GRB2: variants seen among roughly 807,000 people sequenced by gnomAD.
GRB2 encodes growth factor receptor-bound protein 2.
Under a neutral mutation model 27.4 loss-of-function variants are expected in GRB2, and 2 were observed. That is an observed-to-expected ratio of 0.07 (90% confidence interval 0.03 to 0.23). The LOEUF is 0.23. Ranked by LOEUF, GRB2 falls within the 10% of genes least tolerant of loss-of-function variation. The pLI is 1.00. For missense variants in GRB2, 102 were observed against 282.4 expected, an observed-to-expected ratio of 0.36 and a Z score of 4.58; for synonymous variants, 94 against 99.6, an observed-to-expected ratio of 0.94 and a Z score of 0.33.
At chr17:75,354,684 G>T (rs1012904331) in intron 2 of GRB2, among the ~76,000 whole-genome samples, 5 of 152,122 alleles carry the variant, frequency 3.3e-5, no homozygotes, top group South Asian at 2.1e-4. Flanking sequence ...AGAATTGCTG[G>T]AAGAGCCCAC....
chr17:75,333,968 T>C (rs765242699), intron 2 of GRB2, among the ~76,000 whole-genome samples: 4 of 152,138 alleles, frequency 2.6e-5, no homozygotes, highest in Non-Finnish European at 4.4e-5. Flanking sequence ...TGCTGCCTCT[T>C]GAATTGCATG....
At chr17:75,394,282 A>G (rs1046685596) in intron 1 of GRB2, 10 of 152,458 alleles carry the variant, frequency 6.6e-5, no homozygotes, top group African/African-American at 2.2e-4. Context: ...TTTGGTCTCG[A>G]GCTGCTGCAC....
At chr17:75,404,252 C>T (rs1473491011) in intron 1 of GRB2, among the ~76,000 whole-genome samples, 1 of 152,084 alleles carries the variant, frequency 6.6e-6, no homozygotes, top group African/African-American at 2.4e-5. Flanking sequence ...CACTTGCGAC[C>T]TAGTGGCAGG....
intron 2 of GRB2, among the ~76,000 whole-genome samples, chr17:75,355,816 C>CTTTTTT: frequency 8.6e-6 from 1 of 115,730 alleles, no homozygotes. Flanking sequence ...TTCCTTTCTT[C>CTTTTTT]TTTTTTTTTT....
chr17:75,367,952 G>A (rs527623209), intron 2 of GRB2, among the ~76,000 whole-genome samples: 4 of 151,352 alleles, frequency 2.6e-5, no homozygotes, highest in South Asian at 4.2e-4. Context: ...GCACGATGTC[G>A]GCTCACTGCA....
intron 2 of GRB2, among the ~76,000 whole-genome samples, chr17:75,350,993 C>T (rs2078688771): frequency 6.6e-6 from 1 of 152,050 alleles, no homozygotes; most frequent in Non-Finnish European, 1.5e-5. Context: ...CTGTGCAGGG[C>T]AGAATAAGGA....
chr17:75,393,809 A>G, intron 1 of GRB2, 44 bp from the exon 2 acceptor site: 1 of 573,332 alleles, frequency 1.7e-6, no homozygotes, highest in Non-Finnish European at 3.1e-6. Flanking sequence ...CCAGGATTGA[A>G]GGCAACCCCG....
chr17:75,390,491 G>C (rs2078991385), intron 2 of GRB2, among the ~76,000 whole-genome samples: 1 of 152,184 alleles, frequency 6.6e-6, no homozygotes, highest in Admixed American at 6.5e-5. Flanking sequence ...GAAACCTGCA[G>C]TGGAAGGGCA....
rs1263469228 is a variant in GRB2 at position 75,393,710 on chromosome 17, T to C, written c.-82A>G. The C allele has an allele frequency of 9.4e-7, 1 of 1,064,170 alleles. No homozygotes were observed. The highest frequency in any genetic ancestry group is 1.4e-6 in the Non-Finnish European group (1 of 690,500). 65.9% of individuals were successfully genotyped at this position (1,064,170 alleles called of 1,614,324 possible). On this transcript the variant is annotated 5_prime_UTR_variant, in exon 2 of 6. Coordinates refer to ENST00000316804, the MANE Select transcript of GRB2 (RefSeq NM_002086.5). ...CTGAAGCAACCCAGCGCTCTGGGCT[T>C]AGCCTCGCCTCTCTTCTGGGACTCG...
At chr17:75,341,796 GTCAGGAGATGGGGACCCACCAAATGT>G (rs374756551) in intron 2 of GRB2, among the ~76,000 whole-genome samples, 49 of 152,296 alleles carry the variant, frequency 3.2e-4, no homozygotes, top group Non-Finnish European at 6.6e-4. Context: ...ACATTGGTGA[GTCAGGAGATGGGGACCCACCAAATGT>G]CCAGGCAACA....
chr17:75,363,441 A>T (rs1020227650), intron 2 of GRB2, among the ~76,000 whole-genome samples: 2 of 152,180 alleles, frequency 1.3e-5, no homozygotes, highest in South Asian at 4.1e-4. Flanking sequence ...TGATAGATAC[A>T]CTGTCTATTA....
intron 2 of GRB2, among the ~76,000 whole-genome samples, chr17:75,333,630 C>T (rs1295147940): frequency 1.3e-5 from 2 of 152,102 alleles, no homozygotes; most frequent in South Asian, 2.1e-4. Flanking sequence ...ACCGCAAGTA[C>T]GGGTCACCCA....
intron 3 of GRB2, among the ~76,000 whole-genome samples, chr17:75,330,885 G>A (rs539392392): frequency 1.3e-4 from 20 of 152,190 alleles, no homozygotes; most frequent in South Asian, 1.0e-3. Flanking sequence ...TACAACTCAT[G>A]CTGCAGCACT....
intron 2 of GRB2, among the ~76,000 whole-genome samples, chr17:75,340,140 C>T (rs886179202): frequency 4.6e-5 from 7 of 152,142 alleles, no homozygotes; most frequent in African/African-American, 1.4e-4. Context: ...CCTTTCAACA[C>T]GCGCTCCAAT....
At chr17:75,396,783 C>T (rs1212968626) in intron 1 of GRB2, among the ~76,000 whole-genome samples, 13 of 151,950 alleles carry the variant, frequency 8.6e-5, no homozygotes, top group Non-Finnish European at 1.6e-4. Flanking sequence ...AATGCCGAGA[C>T]TATGTATTAG....
chr17:75,337,190 C>T (rs1026661026), intron 2 of GRB2, among the ~76,000 whole-genome samples: 8 of 152,116 alleles, frequency 5.3e-5, no homozygotes, highest in South Asian at 2.1e-4. Flanking sequence ...TTGGTTCTGC[C>T]GGAGGCAAAA....
At chr17:75,378,405 C>CAG (rs1253198996) in intron 2 of GRB2, among the ~76,000 whole-genome samples, 4 of 142,552 alleles carry the variant, frequency 2.8e-5, no homozygotes, top group African/African-American at 1.1e-4. Flanking sequence ...CAAACAAACA[C>CAG]CCAAACCCAA....
At chr17:75,369,690 CAAAAAAA>C (rs35811117) in intron 2 of GRB2, among the ~76,000 whole-genome samples, 1 of 120,664 alleles carries the variant, frequency 8.3e-6, no homozygotes, top group Admixed American at 8.8e-5. Flanking sequence ...CCGTCTCCAC[CAAAAAAA>C]AAAAAAAAAA....
At chr17:75,341,024 G>A (rs1217029973) in intron 2 of GRB2, among the ~76,000 whole-genome samples, 1 of 152,154 alleles carries the variant, frequency 6.6e-6, no homozygotes, top group Non-Finnish European at 1.5e-5. Flanking sequence ...ACTACAGCAA[G>A]GCCACGGCTC....
Sources: gnomAD v4.1 joint callset for allele counts (sites outside exome capture counted in the v4.1 genomes callset) on GRCh38, gnomAD v4.1.1 for gene constraint, MANE v1.5 for transcripts, NCBI Gene and HGNC (gene_info 2026-07-23, HGNC 2026-07-21) for gene names.